The following TSPEAR variants were observed in gnomAD, a reference collection of about 807,000 sequenced individuals.
The protein encoded by TSPEAR is thrombospondin-type laminin G domain and EAR repeat-containing protein.
Under a neutral mutation model 71.6 loss-of-function variants are expected in TSPEAR, and 69 were observed. The observed-to-expected ratio is 0.96, with a 90% CI of 0.79 to 1.18. The LOEUF is 1.18. Among genes scored for constraint, TSPEAR ranks in the 50% most tolerant of loss-of-function variants. The pLI, the probability that TSPEAR is intolerant of heterozygous loss-of-function variation, is 0.00. For missense variants in TSPEAR, 971 were observed against 894.9 expected (o/e 1.09, Z -1.09); for synonymous variants, 402 against 387.2 (o/e 1.04, Z -0.45).
intron 2 of TSPEAR, among the ~76,000 whole-genome samples, chr21:44,566,442 AAATT>A (rs1309146647): frequency 2.6e-5 from 4 of 152,178 alleles, no homozygotes; most frequent in African/African-American, 7.2e-5. Flanking sequence ...AATACTCCCC[AAATT>A]AATTACAGAT....
chr21:44,583,930 C>A (rs1417412754), intron 1 of TSPEAR, among the ~76,000 whole-genome samples: 2 of 152,180 alleles, frequency 1.3e-5, no homozygotes, highest in African/African-American at 4.8e-5. Flanking sequence ...GTGTTACAGT[C>A]AACTGTCCCC....
At chr21:44,662,420 A>G (rs1218214008) in intron 1 of TSPEAR, among the ~76,000 whole-genome samples, 3 of 152,230 alleles carry the variant, frequency 2.0e-5, no homozygotes, top group South Asian at 2.1e-4. Context: ...TAAAGCATCA[A>G]TTCACCATGG....
At chr21:44,614,987 A>C (rs1277661530) in intron 1 of TSPEAR, among the ~76,000 whole-genome samples, 2 of 152,182 alleles carry the variant, frequency 1.3e-5, no homozygotes, top group African/African-American at 2.4e-5. Context: ...CTGTCCTGGA[A>C]GAAAAAGCTG....
intron 1 of TSPEAR, among the ~76,000 whole-genome samples, chr21:44,572,758 A>G (rs587721666): frequency 1.3e-5 from 2 of 151,378 alleles, no homozygotes; most frequent in African/African-American, 4.9e-5. Context: ...TTTGTAGGTG[A>G]TCAAGTTAAG....
At chr21:44,530,923 G>C in intron 4 of TSPEAR, 120 bp downstream of exon 4, 1 of 815,944 alleles carries the variant, frequency 1.2e-6, no homozygotes, top group South Asian at 1.4e-5. Flanking sequence ...CACGCACGCT[G>C]TACCTTCTTT....
At chr21:44,586,073 C>T (rs879966607) in intron 1 of TSPEAR, among the ~76,000 whole-genome samples, 4 of 152,246 alleles carry the variant, frequency 2.6e-5, no homozygotes, top group Non-Finnish European at 5.9e-5. Context: ...TCCTAGGACC[C>T]AGGCTGGGAG....
At chr21:44,665,028 G>A (rs782597085) in intron 1 of TSPEAR, among the ~76,000 whole-genome samples, 3 of 152,214 alleles carry the variant, frequency 2.0e-5, no homozygotes, top group Admixed American at 6.5e-5. Context: ...GCTTACGTGT[G>A]TGCATAAGTG....
At chr21:44,574,966 G>GC (rs1165513548) in intron 1 of TSPEAR, 1 of 1,612,616 alleles carries the variant, frequency 6.2e-7, no homozygotes, top group African/African-American at 1.3e-5. Context: ...CTCCTCTGAC[G>GC]CCCCGTGTGC....
intron 1 of TSPEAR, among the ~76,000 whole-genome samples, chr21:44,581,093 C>T (rs587649740): frequency 6.6e-6 from 1 of 152,170 alleles, no homozygotes; most frequent in East Asian, 1.9e-4. Flanking sequence ...GCTAAGTGGC[C>T]CTCTCTTCAA....
Position 44,638,331 on chromosome 21 carries a change from C to G in TSPEAR, c.83-70326G>C, listed in dbSNP as rs1983800887. On this transcript the variant is annotated intron_variant, in intron 1 of 11. Coordinates refer to ENST00000323084, the MANE Select transcript of TSPEAR (RefSeq NM_144991.3). ...TCCCCCAGTCCTTCCCAGATGATGG[C>G]TGCCTGTGGGACCCCAGCTACTCCC... 6.9e-6 allele frequency: 3 copies of G among 437,368 alleles called. 1 individual carries two copies. Among genetic ancestry groups the G allele is most frequent in the African/African-American group, 6.6e-5 (3 of 45,144 alleles). 27.1% of individuals were successfully genotyped at this position (437,368 alleles called of 1,614,324 possible).
chr21:44,698,319 TGACCAGCCC>T (rs1336222067), intron 1 of TSPEAR, among the ~76,000 whole-genome samples: 4 of 152,214 alleles, frequency 2.6e-5, no homozygotes, highest in African/African-American at 9.6e-5. Flanking sequence ...GTTGAATTGC[TGACCAGCCC>T]GACAGGAGGC....
intron 1 of TSPEAR, among the ~76,000 whole-genome samples, chr21:44,651,296 G>A (rs1226238717): frequency 6.6e-6 from 1 of 152,176 alleles, no homozygotes; most frequent in Non-Finnish European, 1.5e-5. Context: ...GCTCACGGCT[G>A]TGGCTGGCAA....
intron 1 of TSPEAR, among the ~76,000 whole-genome samples, chr21:44,634,191 A>G (rs1983411934): frequency 6.6e-6 from 1 of 152,168 alleles, no homozygotes; most frequent in Admixed American, 6.5e-5. Flanking sequence ...TGAGGCTGCA[A>G]TGAGTTATGA....
At chr21:44,628,033 C>T in intron 1 of TSPEAR, 2 of 1,612,750 alleles carry the variant, frequency 1.2e-6, no homozygotes, top group Admixed American at 1.7e-5. Context: ...CTCCTCAGGC[C>T]AGAAGTCCAG....
At chr21:44,511,344 CATGCAT>C (rs1384995591) in intron 9 of TSPEAR, among the ~76,000 whole-genome samples, 1 of 152,088 alleles carries the variant, frequency 6.6e-6, no homozygotes, top group African/African-American at 2.4e-5. Context: ...CACACACAAA[CATGCAT>C]ATGCACTGTG....
At chr21:44,704,206 G>A (rs1362533547) in intron 1 of TSPEAR, among the ~76,000 whole-genome samples, 1 of 150,588 alleles carries the variant, frequency 6.6e-6, no homozygotes, top group South Asian at 2.1e-4. Flanking sequence ...CCTGGGGGTG[G>A]GGAGGTAGCT....
In TSPEAR at chr21:44,695,848, A is replaced by G. The variant is rs932234323; in HGVS notation, c.82+15585T>C. On this transcript the variant is annotated intron_variant, in intron 1 of 11. Coordinates refer to ENST00000323084, the MANE Select transcript of TSPEAR (RefSeq NM_144991.3). The surrounding 1 kb of genome is among the most constrained non-coding windows in gnomAD (Gnocchi z 4.5). ...CAGGGCTTTTCACTTCAAGGGGCCC[A>G]TCCACCACACACCTCGAGCCCTCAC... Among the ~76,000 whole-genome samples, 2 of 152,030 alleles carry G rather than the reference A, an allele frequency of 1.3e-5. No individual in the cohort carries two copies. Among genetic ancestry groups the G allele is most frequent in the Non-Finnish European group, 2.9e-5 (2 of 68,018 alleles).
chr21:44,658,454 G>A, intron 1 of TSPEAR: 2 of 621,116 alleles, frequency 3.2e-6, no homozygotes, highest in Non-Finnish European at 5.6e-6. Flanking sequence ...CCTCAAGGAA[G>A]TCTTGGCTGC....
chr21:44,612,380 T>C lies in TSPEAR; in HGVS notation c.83-44375A>G, dbSNP rs782380483. ...CTGCCAATCAGGCTGCACCGACTCC[T>C]GCACACCTTCATGCTGCCAGCAGTC... is the stretch of plus-strand genomic sequence containing the variant. On this transcript the variant is annotated intron_variant, in intron 1 of 11. Transcript: ENST00000323084. This position sits in a 1 kb window ranked among gnomAD's most constrained non-coding sequence, Gnocchi z 4.1. The C allele has an allele frequency of 6.2e-7, 1 of 1,614,070 alleles. No individual in the cohort carries two copies. The highest frequency in any genetic ancestry group is 2.2e-5 in the East Asian group (1 of 44,874).
Sources: allele counts gnomAD v4.1 joint callset (sites outside exome capture counted in the v4.1 genomes callset), GRCh38; gene constraint gnomAD v4.1.1; non-coding constraint Gnocchi (gnomAD v3.1); transcripts MANE v1.5; gene names NCBI Gene and HGNC (gene_info 2026-07-23, HGNC 2026-07-21).